The following PTPRN2 variants were observed in gnomAD, a reference collection of about 807,000 sequenced individuals.
PTPRN2 encodes the protein protein tyrosine phosphatase receptor type N2.
Under a neutral mutation model 118.8 loss-of-function variants are expected in PTPRN2, and 74 were observed. The observed-to-expected ratio is 0.62, with a 90% CI of 0.52 to 0.76. The LOEUF is 0.76. PTPRN2 is among the 30% of genes least tolerant of loss of function. The probability of loss-of-function intolerance (pLI) is 0.00; values close to 1 mark genes in which losing one functional copy is unlikely to be tolerated. For synonymous variants in PTPRN2, 641 were observed against 608.0 expected, an observed-to-expected ratio of 1.05 and a Z score of -0.80; for missense variants, 1,481 against 1,394.4, an observed-to-expected ratio of 1.06 and a Z score of -0.99.
At position 158,205,251 on chromosome 7, in the gene PTPRN2, A is replaced by G. The variant is rs370159370; in HGVS notation, c.300T>C (p.Tyr100=). Residue 100 remains tyrosine, a synonymous_variant, in exon 4 of 23, where the codon TAT becomes TAC. Coordinates refer to ENST00000389418, the MANE Select transcript of PTPRN2 (RefSeq NM_002847.5). ...SGTGFTWQDD[Y]TQYVMDQELA... is the part of the protein sequence containing the mutation. Reference sequence around the variant, plus strand: ...GTTCCTGGTCCATCACATACTGAGTATAGTCATCCTGCCACGTGAAACCTG... The same window carrying G: ...GTTCCTGGTCCATCACATACTGAGTGTAGTCATCCTGCCACGTGAAACCTG... 226 of 1,613,944 alleles carry G rather than the reference A, an allele frequency of 1.4e-4. No homozygotes were observed. The highest frequency in any genetic ancestry group is 1.7e-4 in the Non-Finnish European group (197 of 1,180,024).
At chr7:157,569,396 G>T (rs1799651589) in intron 20 of PTPRN2, among the ~76,000 whole-genome samples, 1 of 152,260 alleles carries the variant, frequency 6.6e-6, no homozygotes, top group Admixed American at 6.5e-5. Flanking sequence ...CTGGGCGGCT[G>T]GGCCCCGCTG....
In PTPRN2 at chr7:157,596,545, C is replaced by T. The variant is rs1397852101; in HGVS notation, c.2419-1230G>A. Among the ~76,000 whole-genome samples the T allele has an allele frequency of 6.6e-6, 1 of 152,210 alleles. No individual in the cohort carries two copies. The highest frequency in any genetic ancestry group is 6.5e-5 in the Admixed American group (1 of 15,286). ...AGGCAAGCGAGATTTGAGCACATTG[C>T]TGAGGGGCGTCAGATGGAGGTGGTT... On this transcript the variant is annotated intron_variant, in intron 16 of 22. Coordinates refer to ENST00000389418, the MANE Select transcript of PTPRN2 (RefSeq NM_002847.5). The surrounding 1 kb of genome is among the most constrained non-coding windows in gnomAD (Gnocchi z 4.2).
chr7:158,263,882 C>G (rs1398738866), intron 3 of PTPRN2, among the ~76,000 whole-genome samples: 4 of 152,188 alleles, frequency 2.6e-5, no homozygotes, highest in Non-Finnish European at 4.4e-5. Flanking sequence ...CAGCACCTCC[C>G]TAGCACACCC....
chr7:157,734,045 AT>A lies in PTPRN2; in HGVS notation c.1789-51109del, dbSNP rs1241637744. 2.6e-4 allele frequency among the ~76,000 whole-genome samples: 26 copies of A among 100,058 alleles called. 1 individual carries two copies. The highest frequency in any genetic ancestry group is 9.7e-4 in the African/African-American group (21 of 21,648). The allele number at this position is 100,058 out of a possible 152,430, so 65.6% of individuals were successfully genotyped here. A position where few individuals can be genotyped will look rare whatever the true frequency, so the allele number is the denominator to read the frequency against. On this transcript the variant is annotated intron_variant, in intron 12 of 22. Coordinates refer to ENST00000389418, the MANE Select transcript of PTPRN2 (RefSeq NM_002847.5). ...CAGCACAGTTACCCTTTCCCGTCCC[AT>A]GCGCCCAGCACAGTTACCCTTTTCC...
chr7:157,837,813 C>T (rs1808077814), intron 12 of PTPRN2, among the ~76,000 whole-genome samples: 1 of 152,254 alleles, frequency 6.6e-6, no homozygotes, highest in African/African-American at 2.4e-5. Context: ...GACACGGAGC[C>T]TTGGACTCAG....
At chr7:158,086,872 A>G (rs1429287567) in intron 10 of PTPRN2, among the ~76,000 whole-genome samples, 1 of 152,226 alleles carries the variant, frequency 6.6e-6, no homozygotes, top group East Asian at 1.9e-4. Flanking sequence ...GCGCTTTCAC[A>G]CACATCAATA....
intron 14 of PTPRN2, among the ~76,000 whole-genome samples, chr7:157,656,069 A>G (rs1806059548): frequency 1.3e-5 from 2 of 151,710 alleles, no homozygotes; most frequent in African/African-American, 4.8e-5. Context: ...TATTCCACTG[A>G]AAACTAAATA....
rs140433031 is a variant in PTPRN2 at position 157,774,261 on chromosome 7, A to G, written c.1789-91324T>C. 1.9e-3 allele frequency among the ~76,000 whole-genome samples: 293 copies of G among 152,362 alleles called. 1 individual carries two copies. The highest frequency in any genetic ancestry group is 6.8e-3 in the African/African-American group (282 of 41,580). On this transcript the variant is annotated intron_variant, in intron 12 of 22. Transcript: ENST00000389418. Reference sequence around the variant, plus strand: ...AGAAATGTTCCAGGAGTCCTCACAGAGATGCGCTGAATAGAATATGCACCA... The same window carrying G: ...AGAAATGTTCCAGGAGTCCTCACAGGGATGCGCTGAATAGAATATGCACCA...
In PTPRN2 at chr7:157,953,947, GTC is replaced by G. The variant is rs1016141662; in HGVS notation, c.1724-55212_1724-55211del. Among the ~76,000 whole-genome samples, 1 of 152,216 alleles carries G rather than the reference GTC, an allele frequency of 6.6e-6. No individual in the cohort carries two copies. Among genetic ancestry groups the G allele is most frequent in the African/African-American group, 2.4e-5 (1 of 41,454 alleles). Reference sequence around the variant, plus strand: ...CGCTTGAAGATGCATGTGTGTTAGAGTCTCTTCCACAGAACTCTCTGGAAAGG... The same window carrying G: ...CGCTTGAAGATGCATGTGTGTTAGAGTCTTCCACAGAACTCTCTGGAAAGG... On this transcript the variant is annotated intron_variant, in intron 11 of 22. Coordinates refer to ENST00000389418, the MANE Select transcript of PTPRN2 (RefSeq NM_002847.5). The surrounding 1 kb of genome is among the most constrained non-coding windows in gnomAD (Gnocchi z 4.6).
intron 12 of PTPRN2, among the ~76,000 whole-genome samples, chr7:157,740,659 G>C (rs1800584442): frequency 6.6e-6 from 1 of 152,172 alleles, no homozygotes; most frequent in South Asian, 2.1e-4. Flanking sequence ...GGAGTGGCGG[G>C]AGCTTCTCAG....
chr7:158,132,588 C>T (rs1362170484), intron 9 of PTPRN2, among the ~76,000 whole-genome samples: 1 of 97,358 alleles, frequency 1.0e-5, no homozygotes, highest in South Asian at 4.0e-4. Flanking sequence ...TAGACACATG[C>T]ATATGCACAG....
chr7:157,925,254 A>C (rs10270502), intron 11 of PTPRN2, among the ~76,000 whole-genome samples: 2 of 42,622 alleles, frequency 4.7e-5, no homozygotes, highest in Admixed American at 2.1e-4. Flanking sequence ...AGGCACCTGC[A>C]TTTAGCACGT....
At chr7:158,017,035 G>C (rs978152514) in intron 11 of PTPRN2, among the ~76,000 whole-genome samples, 1 of 152,192 alleles carries the variant, frequency 6.6e-6, no homozygotes, top group Admixed American at 6.5e-5. Context: ...GAAAAAAAGT[G>C]TGCCTATGTG....
At chr7:157,648,935 G>A (rs1303284104) in intron 14 of PTPRN2, among the ~76,000 whole-genome samples, 1 of 147,384 alleles carries the variant, frequency 6.8e-6, no homozygotes, top group Non-Finnish European at 1.5e-5. Flanking sequence ...TGAACTTGGT[G>A]GGTCAGACCC....
At chr7:158,569,903 G>A (rs531203143) in intron 1 of PTPRN2, among the ~76,000 whole-genome samples, 2 of 151,892 alleles carry the variant, frequency 1.3e-5, no homozygotes, top group South Asian at 4.1e-4. Context: ...AACTCGGGGC[G>A]CGAGGCCGCC....
intron 12 of PTPRN2, among the ~76,000 whole-genome samples, chr7:157,773,707 G>C (rs1196469800): frequency 6.6e-6 from 1 of 152,218 alleles, no homozygotes; most frequent in African/African-American, 2.4e-5. Context: ...ATCTTCCTCA[G>C]CCTCAATTTC....
intron 2 of PTPRN2, among the ~76,000 whole-genome samples, chr7:158,392,821 C>T (rs1812042810): frequency 6.6e-6 from 1 of 152,200 alleles, no homozygotes; most frequent in African/African-American, 2.4e-5. Flanking sequence ...TGTCCACATC[C>T]CAAAGCCTCA....
intron 13 of PTPRN2, among the ~76,000 whole-genome samples, chr7:157,669,777 C>A (rs563829449): frequency 3.0e-4 from 45 of 152,316 alleles, no homozygotes; most frequent in Middle Eastern, 3.4e-3. Context: ...AAAAAAGCGG[C>A]CTCTCCGCTC....
At chr7:158,425,972 C>G (rs1815718451) in intron 2 of PTPRN2, among the ~76,000 whole-genome samples, 1 of 109,536 alleles carries the variant, frequency 9.1e-6, no homozygotes, top group Non-Finnish European at 1.8e-5. Context: ...GAGTCCGAGA[C>G]CAGCCTAGCT....
Sources: allele counts gnomAD v4.1 joint callset (sites outside exome capture counted in the v4.1 genomes callset), GRCh38; gene constraint gnomAD v4.1.1; non-coding constraint Gnocchi (gnomAD v3.1); transcripts MANE v1.5; gene names NCBI Gene and HGNC (gene_info 2026-07-23, HGNC 2026-07-21).